ALK: variants seen among roughly 807,000 people sequenced by gnomAD.
The protein encoded by ALK is ALK tyrosine kinase receptor.
ALK carries 74 observed loss-of-function variants against 163.1 expected under a neutral mutation model. That is an observed-to-expected ratio of 0.45 (90% CI 0.38 to 0.55). The LOEUF (loss-of-function observed/expected upper bound fraction) is 0.55, where lower values mean the gene tolerates loss of function less well. Among genes scored for constraint, ALK ranks in the 20% least tolerant of loss-of-function variants. The pLI, the probability that ALK is intolerant of heterozygous loss-of-function variation, is 0.00. For synonymous variants in ALK, 960 were observed against 843.2 expected, an observed-to-expected ratio of 1.14 and a Z score of -2.40; for missense variants, 2,063 against 2,105.3, an observed-to-expected ratio of 0.98 and a Z score of 0.39.
chr2:29,195,594 A>T (rs1326869717), intron 28 of ALK, among the ~76,000 whole-genome samples: 1 of 152,062 alleles, frequency 6.6e-6, no homozygotes, highest in Non-Finnish European at 1.5e-5. Context: ...AATTAGCTGG[A>T]TATGGTGGCA....
chr2:29,791,104 C>T (rs550936114), intron 1 of ALK, among the ~76,000 whole-genome samples: 1 of 152,282 alleles, frequency 6.6e-6, no homozygotes, highest in African/African-American at 2.4e-5. Context: ...CCCAGTGTAA[C>T]TCAATAAACA....
chr2:29,495,706 A>G (rs946028119), intron 4 of ALK, among the ~76,000 whole-genome samples: 1 of 152,196 alleles, frequency 6.6e-6, no homozygotes. Context: ...AAAGTTACTC[A>G]ATTAGAGAGA....
intron 28 of ALK, among the ~76,000 whole-genome samples, chr2:29,196,300 C>T (rs2148141099): frequency 6.6e-6 from 1 of 152,334 alleles, no homozygotes; most frequent in East Asian, 1.9e-4. Context: ...AAAATTTCTC[C>T]AGATTACTTT....
chr2:29,578,766 G>T (rs1399500793), intron 3 of ALK, among the ~76,000 whole-genome samples: 1 of 152,216 alleles, frequency 6.6e-6, no homozygotes, highest in Admixed American at 6.5e-5. Context: ...ACGTTTCAGA[G>T]TCAAAGGAGT....
intron 1 of ALK, among the ~76,000 whole-genome samples, chr2:29,824,547 G>C (rs746056959): frequency 1.8e-4 from 27 of 152,380 alleles, no homozygotes; most frequent in Middle Eastern, 3.4e-3. Context: ...CCTCTTGCAG[G>C]TGTGACCTGG....
chr2:29,767,977 G>C (rs1221509946), intron 1 of ALK, among the ~76,000 whole-genome samples: 1 of 152,234 alleles, frequency 6.6e-6, no homozygotes, highest in Non-Finnish European at 1.5e-5. Flanking sequence ...ACTTGTTACT[G>C]TCCGGGTGAC....
intron 4 of ALK, among the ~76,000 whole-genome samples, chr2:29,529,145 C>T (rs924139429): frequency 3.3e-5 from 5 of 152,144 alleles, no homozygotes; most frequent in African/African-American, 4.8e-5. Context: ...CACCCGTGCA[C>T]GACAGCCGGC....
chr2:29,861,115 T>C (rs534066255), intron 1 of ALK, among the ~76,000 whole-genome samples: 1 of 152,272 alleles, frequency 6.6e-6, no homozygotes, highest in East Asian at 1.9e-4. Context: ...AAGGCTGCAG[T>C]GAGTTGTAAT....
intron 1 of ALK, among the ~76,000 whole-genome samples, chr2:29,893,283 G>A (rs750790719): frequency 2.0e-5 from 3 of 152,086 alleles, no homozygotes; most frequent in Non-Finnish European, 4.4e-5. Context: ...TCCTGATCAG[G>A]TATTTAAAGA....
chr2:29,320,234 G>A (rs1666980316), intron 7 of ALK, among the ~76,000 whole-genome samples: 1 of 152,218 alleles, frequency 6.6e-6, no homozygotes. Context: ...GGAGAGGGGA[G>A]GACAGGCATT....
At chr2:29,766,940 C>A (rs13400970) in intron 1 of ALK, among the ~76,000 whole-genome samples, 279 of 152,288 alleles carry the variant, frequency 1.8e-3, no homozygotes, top group African/African-American at 6.5e-3. Context: ...GTGGAACACC[C>A]CAGCCTTCTG....
chr2:29,750,117 G>T (rs1282212577), intron 1 of ALK, among the ~76,000 whole-genome samples: 1 of 152,224 alleles, frequency 6.6e-6, no homozygotes, highest in South Asian at 2.1e-4. Context: ...GACTCGAGAA[G>T]TATAGTAATG....
chr2:29,587,134 G>A (rs1403185122), intron 3 of ALK, among the ~76,000 whole-genome samples: 1 of 152,234 alleles, frequency 6.6e-6, no homozygotes, highest in African/African-American at 2.4e-5. Context: ...CTGGAGGGAT[G>A]CTAATATATT....
At chr2:29,697,173 G>A (rs1270122500) in intron 2 of ALK, among the ~76,000 whole-genome samples, 1 of 152,148 alleles carries the variant, frequency 6.6e-6, no homozygotes, top group African/African-American at 2.4e-5. Flanking sequence ...TGTCCTTTCT[G>A]ATTGATAAGG....
intron 8 of ALK, among the ~76,000 whole-genome samples, chr2:29,309,778 G>C (rs1055989614): frequency 2.0e-5 from 3 of 152,086 alleles, no homozygotes; most frequent in Non-Finnish European, 2.9e-5. Flanking sequence ...AATTATCAAC[G>C]AAGTGGGTTT....
chr2:29,696,045 A>G (rs921383826), intron 2 of ALK, among the ~76,000 whole-genome samples: 3 of 152,218 alleles, frequency 2.0e-5, no homozygotes, highest in Non-Finnish European at 2.9e-5. Flanking sequence ...TACATACCCA[A>G]AGGTTTATAA....
At chr2:29,542,622 GA>G (rs1673443531) in intron 3 of ALK, among the ~76,000 whole-genome samples, 1 of 152,180 alleles carries the variant, frequency 6.6e-6, no homozygotes, top group Non-Finnish European at 1.5e-5. Flanking sequence ...GTGTTACTAA[GA>G]AGAAGTCTAA....
intron 5 of ALK, among the ~76,000 whole-genome samples, chr2:29,365,143 G>A (rs1668472629): frequency 1.3e-5 from 2 of 152,208 alleles, no homozygotes; most frequent in Admixed American, 6.5e-5. Context: ...TAGATTAGCA[G>A]GAACACATTC....
intron 3 of ALK, among the ~76,000 whole-genome samples, chr2:29,586,240 CA>C (rs1204554487): frequency 4.3e-5 from 6 of 138,030 alleles, no homozygotes; most frequent in East Asian, 2.2e-4. Flanking sequence ...GGGATATTAA[CA>C]TTTTTTTTTT....
Sources: gnomAD v4.1 joint callset for allele counts (sites outside exome capture counted in the v4.1 genomes callset) on GRCh38, gnomAD v4.1.1 for gene constraint, MANE v1.5 for transcripts, NCBI Gene and HGNC (gene_info 2026-07-23, HGNC 2026-07-21) for gene names.